CDH13: variants seen among roughly 807,000 people sequenced by gnomAD.
CDH13 encodes the protein cadherin 13.
In CDH13, 24 loss-of-function variants were observed where a neutral mutation model predicts 63.8. The ratio of observed to expected loss-of-function variants is 0.38; its 90% CI spans 0.27 to 0.53. The LOEUF (loss-of-function observed/expected upper bound fraction) is 0.53, where lower values mean the gene tolerates loss of function less well. CDH13 is among the 20% of genes least tolerant of loss of function. The probability of loss-of-function intolerance (pLI) is 0.85; values close to 1 mark genes in which losing one functional copy is unlikely to be tolerated. For synonymous variants in CDH13, 503 were observed against 355.3 expected (o/e 1.42, Z -4.67); for missense variants, 1,049 against 903.1 (o/e 1.16, Z -2.07).
At chr16:83,445,381 G>C (rs1357547337) in intron 6 of CDH13, among the ~76,000 whole-genome samples, 2 of 147,876 alleles carry the variant, frequency 1.4e-5, no homozygotes, top group Non-Finnish European at 3.0e-5. Flanking sequence ...AGCTTCCTAA[G>C]TTTTCCCTAA....
intron 7 of CDH13, among the ~76,000 whole-genome samples, chr16:83,572,963 C>G (rs1330616711): frequency 6.6e-6 from 1 of 152,192 alleles, no homozygotes; most frequent in Non-Finnish European, 1.5e-5. Context: ...GTGTACAGTA[C>G]TTACAGCGAG....
intron 3 of CDH13, among the ~76,000 whole-genome samples, chr16:83,099,530 G>C (rs1013944101): frequency 5.9e-5 from 9 of 151,466 alleles, no homozygotes; most frequent in Admixed American, 3.3e-4. Flanking sequence ...TGCCATGTTG[G>C]CCAGGCTGGT....
At chr16:83,446,300 C>CAA (rs200693082) in intron 6 of CDH13, among the ~76,000 whole-genome samples, 875 of 82,358 alleles carry the variant, frequency 0.011, 11 homozygotes, top group African/African-American at 0.039. Flanking sequence ...GAGACTGTCT[C>CAA]AAAAAAAAAA....
chr16:82,697,103 A>T (rs1025649462), intron 1 of CDH13, among the ~76,000 whole-genome samples: 3 of 152,202 alleles, frequency 2.0e-5, no homozygotes, highest in Non-Finnish European at 4.4e-5. Flanking sequence ...TTACCATGCT[A>T]TATCTATTAG....
In CDH13 at chr16:82,851,211, G is replaced by A. The variant is rs773293972; in HGVS notation, c.46-7151G>A. 1.6e-4 allele frequency among the ~76,000 whole-genome samples: 24 copies of A among 152,114 alleles called. 1 individual carries two copies. In the South Asian group the frequency reaches 2.3e-3, roughly 14 times the overall value. On this transcript the variant is annotated intron_variant, in intron 1 of 13. Transcript: ENST00000567109. ...AGCCCTTTGGGAGGCTGAGGCGGGC[G>A]AATCGCAAGGTCAGGAGTTCGAGAC...
At chr16:83,113,621 C>T (rs2035165942) in intron 3 of CDH13, among the ~76,000 whole-genome samples, 1 of 152,122 alleles carries the variant, frequency 6.6e-6, no homozygotes. Context: ...TGAGACAGGG[C>T]TCTAGGGGAA....
chr16:83,375,267 A>G (rs2091439573), intron 6 of CDH13, among the ~76,000 whole-genome samples: 1 of 152,222 alleles, frequency 6.6e-6, no homozygotes, highest in Admixed American at 6.5e-5. Context: ...TTAATTAAGG[A>G]ACAAATTGAT....
In CDH13 at chr16:82,718,969, G is replaced by C. The variant is rs1192684817; in HGVS notation, c.45+91832G>C. Among the ~76,000 whole-genome samples the C allele has an allele frequency of 4.6e-5, 7 of 152,276 alleles. No individual in the cohort carries two copies. In the South Asian group the frequency reaches 6.2e-4, roughly 14 times the overall value. On this transcript the variant is annotated intron_variant, in intron 1 of 13. Coordinates refer to ENST00000567109, the MANE Select transcript of CDH13 (RefSeq NM_001257.5). Reference sequence around the variant, plus strand: ...ATTTGGTGCGTGTTGGATGCATGTGGTCCGTATCTGTTCTGGTTGATTGAT... The same window carrying C: ...ATTTGGTGCGTGTTGGATGCATGTGCTCCGTATCTGTTCTGGTTGATTGAT...
chr16:82,644,942 C>G lies in CDH13; in HGVS notation c.45+17805C>G, dbSNP rs947882487. The stretch of plus-strand genomic sequence containing the variant: ...GGAATCAAAAAATTACTTGTATAAA[C>G]TAATATTTTGGAAAACTCTGGAGTT... On this transcript the variant is annotated intron_variant, in intron 1 of 13. Transcript: ENST00000567109. This position sits in a 1 kb window ranked among gnomAD's most constrained non-coding sequence, Gnocchi z 5.7. Among the ~76,000 whole-genome samples, 5 of 152,138 alleles carry G rather than the reference C, an allele frequency of 3.3e-5. No individual in the cohort carries two copies. Among genetic ancestry groups the G allele is most frequent in the African/African-American group, 7.2e-5 (3 of 41,432 alleles).
chr16:83,282,548 T>C (rs1360817590), intron 5 of CDH13, among the ~76,000 whole-genome samples: 2 of 152,206 alleles, frequency 1.3e-5, no homozygotes, highest in Non-Finnish European at 1.5e-5. Flanking sequence ...CCCTGTCTAT[T>C]TGGGAGATCA....
chr16:83,578,229 G>T (rs1214837583), intron 7 of CDH13, among the ~76,000 whole-genome samples: 1 of 152,204 alleles, frequency 6.6e-6, no homozygotes, highest in Non-Finnish European at 1.5e-5. Flanking sequence ...AGCAGGAAGA[G>T]TGTCTAGTCA....
rs1267697209 is a variant in CDH13 at position 82,826,663 on chromosome 16, T to G, written c.46-31699T>G. 2.0e-5 allele frequency: 3 copies of G among 152,342 alleles called. No individual in the cohort carries two copies. The East Asian group carries it at 5.8e-4, about 29-fold the overall frequency. The allele number at this position is 152,342 out of a possible 1,614,324, so 9.4% of individuals were successfully genotyped here. ...GCGAAGGGCTCCAGTAATTTTAAAT[T>G]GCTTCGTACAATGAAGAGTGCCTGT... On this transcript the variant is annotated intron_variant, in intron 1 of 13. Transcript: ENST00000567109.
chr16:83,647,769 G>A (rs944457263), intron 8 of CDH13, among the ~76,000 whole-genome samples: 1 of 152,162 alleles, frequency 6.6e-6, no homozygotes, highest in South Asian at 2.1e-4. Flanking sequence ...TGGTTGGTGG[G>A]TACCAGCAGT....
chr16:83,027,483 C>T (rs67999902), intron 2 of CDH13, among the ~76,000 whole-genome samples: 20,079 of 151,898 alleles, frequency 0.13, 1,396 homozygotes, highest in African/African-American at 0.17. Context: ...AAGGGTGGGA[C>T]AGTAGAGTAG....
At chr16:82,715,328 G>T (rs1455844404) in intron 1 of CDH13, among the ~76,000 whole-genome samples, 1 of 149,096 alleles carries the variant, frequency 6.7e-6, no homozygotes, top group Non-Finnish European at 1.5e-5. Context: ...CGCCAATCCT[G>T]CAGTGCTTAT....
At chr16:83,553,824 T>C (rs1183010276) in intron 7 of CDH13, among the ~76,000 whole-genome samples, 1 of 152,260 alleles carries the variant, frequency 6.6e-6, no homozygotes, top group Middle Eastern at 3.2e-3. Flanking sequence ...CCCAAAGTGC[T>C]GGGATTACAG....
intron 2 of CDH13, among the ~76,000 whole-genome samples, chr16:83,000,220 CTTATTT>C (rs1950040894): frequency 4.1e-4 from 14 of 33,938 alleles, no homozygotes; most frequent in African/African-American, 1.5e-3. Flanking sequence ...ACAGGTTTAG[CTTATTT>C]TTTTTTTTTT....
At chr16:82,709,932 G>A (rs919899511) in intron 1 of CDH13, among the ~76,000 whole-genome samples, 32 of 152,146 alleles carry the variant, frequency 2.1e-4, no homozygotes, top group African/African-American at 7.7e-4. Context: ...GGCTCTAGAT[G>A]AGGATGTGAG....
chr16:83,579,551 G>A (rs1317737360), intron 7 of CDH13, among the ~76,000 whole-genome samples: 1 of 151,992 alleles, frequency 6.6e-6, no homozygotes, highest in African/African-American at 2.4e-5. Flanking sequence ...GACCAGCAAG[G>A]GGGAAATCCA....
Sources: allele counts gnomAD v4.1 joint callset (sites outside exome capture counted in the v4.1 genomes callset), GRCh38; gene constraint gnomAD v4.1.1; non-coding constraint Gnocchi (gnomAD v3.1); transcripts MANE v1.5; gene names NCBI Gene and HGNC (gene_info 2026-07-23, HGNC 2026-07-21).